RAP1GAP2: variants seen among roughly 807,000 people sequenced by gnomAD.
RAP1GAP2 encodes the protein rap1 GTPase-activating protein 2.
A neutral mutation model predicts 95.0 loss-of-function variants in RAP1GAP2; 27 were observed. The ratio of observed to expected loss-of-function variants is 0.28; its 90% confidence interval spans 0.21 to 0.39. RAP1GAP2 has a LOEUF of 0.39. Ranked by LOEUF, RAP1GAP2 falls within the 10% of genes least tolerant of loss-of-function variation. The pLI is 1.00. For missense variants in RAP1GAP2, 771 were observed against 970.0 expected (o/e 0.79, Z 2.72); for synonymous variants, 373 against 380.9 (o/e 0.98, Z 0.24).
chr17:2,795,278 C>T (rs1344281254), upstream of RAP1GAP2, among the ~76,000 whole-genome samples: 1 of 152,084 alleles, frequency 6.6e-6, no homozygotes, highest in East Asian at 1.9e-4. Flanking sequence ...CCACTCCCCC[C>T]AGTGTCTGTT....
At chr17:2,802,196 G>A (rs985184346) in intron 2 of RAP1GAP2, among the ~76,000 whole-genome samples, 3 of 152,178 alleles carry the variant, frequency 2.0e-5, no homozygotes, top group Non-Finnish European at 2.9e-5. Context: ...GTCTCCCTCT[G>A]TCATGCCATT....
chr17:3,026,995 A>T lies in RAP1GAP2; in HGVS notation c.2032A>T (p.Ser678Cys). 6.4e-7 allele frequency: 1 copy of T among 1,559,084 alleles called. No homozygotes were observed. Among genetic ancestry groups the T allele is most frequent in the Non-Finnish European group, 8.7e-7 (1 of 1,151,464 alleles). Residue 678 changes from serine to cysteine, a missense_variant, in exon 22 of 25, where the codon AGC (serine) becomes TGC (cysteine). By Grantham distance (112) the Ser-to-Cys change is moderately radical (BLOSUM62 -1). Coordinates refer to ENST00000254695, the MANE Select transcript of RAP1GAP2 (RefSeq NM_015085.5). ...CTTCAAGCAGGAGGTGTTTGTCTAC[A>T]GCCCGTCCCCGAGCAGCGAGAGCCC... ...SPFKQEVFVY[S>C]PSPSSESPSL...
Position 3,001,618 on chromosome 17 carries a change from C to T in RAP1GAP2, c.1200+3242C>T, listed in dbSNP as rs537212397. Among the ~76,000 whole-genome samples the T allele has an allele frequency of 2.4e-4, 36 of 147,562 alleles. 2 individuals are homozygous for T. Among genetic ancestry groups the T allele is most frequent in the African/African-American group, 8.5e-4 (32 of 37,602 alleles). Reference sequence around the variant, plus strand: ...ATCAGCCTCAGGGCCTTCCTGATGCCGGAGAAGGGATAGAAGAAGCAGGGA... The same window carrying T: ...ATCAGCCTCAGGGCCTTCCTGATGCTGGAGAAGGGATAGAAGAAGCAGGGA... On this transcript the variant is annotated intron_variant, in intron 14 of 24. Coordinates refer to ENST00000254695, the MANE Select transcript of RAP1GAP2 (RefSeq NM_015085.5).
At position 2,844,876 on chromosome 17, in the gene RAP1GAP2, TA is replaced by T. The variant is rs540654305; in HGVS notation, c.80+44329del. On this transcript the variant is annotated intron_variant, in intron 2 of 24. Transcript: ENST00000254695. ...GAGATGAATTCAGACAACAGGGAAA[TA>T]AATTAGAATTTATTAGGAGTCGGGT... 1.5e-3 allele frequency among the ~76,000 whole-genome samples: 223 copies of T among 152,252 alleles called. 1 individual carries two copies. The highest frequency in any genetic ancestry group is 2.5e-3 in the Non-Finnish European group (167 of 68,014).
Position 2,962,731 on chromosome 17 carries a change from AG to A in RAP1GAP2, c.246+22del. The A allele has an allele frequency of 6.4e-7, 1 of 1,572,700 alleles. No homozygotes were observed. Among genetic ancestry groups the A allele is most frequent in the South Asian group, 1.2e-5 (1 of 86,836 alleles). On this transcript the variant is annotated intron_variant, in intron 5 of 24. Coordinates refer to ENST00000254695, the MANE Select transcript of RAP1GAP2 (RefSeq NM_015085.5). ...AAGAACAAGGTGGGCTGGGTGGGTG[AG>A]GGGGTGGCCAGACGGCCCTGGTGAG...
intron 2 of RAP1GAP2, among the ~76,000 whole-genome samples, chr17:2,830,538 AC>A (rs1300017865): frequency 6.6e-6 from 1 of 151,674 alleles, no homozygotes; most frequent in Admixed American, 6.6e-5. Flanking sequence ...ACATGGTGAA[AC>A]CCCGTCTCTA....
chr17:2,910,688 G>T (rs943045130), intron 3 of RAP1GAP2, among the ~76,000 whole-genome samples: 1 of 152,122 alleles, frequency 6.6e-6, no homozygotes, highest in Non-Finnish European at 1.5e-5. Context: ...ACGCAACGCC[G>T]TTCCTCCTCG....
chr17:2,836,102 A>C (rs2071115704), intron 2 of RAP1GAP2, among the ~76,000 whole-genome samples: 1 of 152,056 alleles, frequency 6.6e-6, no homozygotes, highest in Admixed American at 6.6e-5. Flanking sequence ...AGTTGTCCCC[A>C]TGTCGCCTTC....
chr17:2,945,701 G>A (rs375197364), intron 3 of RAP1GAP2, among the ~76,000 whole-genome samples: 2 of 150,848 alleles, frequency 1.3e-5, no homozygotes, highest in Admixed American at 1.3e-4. Context: ...AGCTTTTGTC[G>A]TGCTCTTTCT....
At chr17:2,813,845 C>T (rs1379176797) in intron 2 of RAP1GAP2, among the ~76,000 whole-genome samples, 3 of 151,974 alleles carry the variant, frequency 2.0e-5, no homozygotes, top group Non-Finnish European at 2.9e-5. Context: ...TGCCTGTAAT[C>T]GTAGCTACTC....
At position 2,867,121 on chromosome 17, in the gene RAP1GAP2, G is replaced by A. The variant is rs893702842; in HGVS notation, c.81-38163G>A. ...TCACCATGTTGGCCAGGCTGGTCTCGAACTCCTGGTGTCGTGATTCCCCTC... is the reference window on the plus strand; with the variant it reads ...TCACCATGTTGGCCAGGCTGGTCTCAAACTCCTGGTGTCGTGATTCCCCTC... On this transcript the variant is annotated intron_variant, in intron 2 of 24. Coordinates refer to ENST00000254695, the MANE Select transcript of RAP1GAP2 (RefSeq NM_015085.5). This position sits in a 1 kb window ranked among gnomAD's most constrained non-coding sequence, Gnocchi z 4.5. Among the ~76,000 whole-genome samples, 9 of 151,430 alleles carry A rather than the reference G, an allele frequency of 5.9e-5. No individual in the cohort carries two copies. Among genetic ancestry groups the A allele is most frequent in the Non-Finnish European group, 8.8e-5 (6 of 67,894 alleles).
At chr17:2,848,149 C>T (rs116738750) in intron 2 of RAP1GAP2, among the ~76,000 whole-genome samples, 396 of 152,272 alleles carry the variant, frequency 2.6e-3, no homozygotes, top group African/African-American at 9.0e-3. Flanking sequence ...GGTACCAGAG[C>T]GCAGGGTGCC....
intron 1 of RAP1GAP2, among the ~76,000 whole-genome samples, chr17:2,791,222 T>A (rs1397395735): frequency 6.6e-6 from 1 of 151,406 alleles, no homozygotes; most frequent in African/African-American, 2.4e-5. Flanking sequence ...GAAAAAAAAA[T>A]GCCCATCGAA....
Position 2,919,947 on chromosome 17 carries a change from C to T in RAP1GAP2, c.165+14579C>T, listed in dbSNP as rs182285676. ...AACTCTTGACCTCAGGTGATCCGCC[C>T]GCCTCGGCCTCCCAAAGTGCTGGGA... On this transcript the variant is annotated intron_variant, in intron 3 of 24. Transcript: ENST00000254695. 4.4e-3 allele frequency among the ~76,000 whole-genome samples: 670 copies of T among 151,924 alleles called. 12 individuals are homozygous for T. Among genetic ancestry groups the T allele is most frequent in the Admixed American group, 0.03 (453 of 15,256 alleles).
rs58436827 is a variant in RAP1GAP2 at position 2,769,232 on chromosome 17, T to TA, written c.51-1057dup. 6.9e-3 allele frequency among the ~76,000 whole-genome samples: 298 copies of TA among 42,894 alleles called. 34 individuals are homozygous for TA. The highest frequency in any genetic ancestry group is 9.8e-3 in the African/African-American group (102 of 10,438). The allele number at this position is 42,894 out of a possible 152,430, so 28.1% of individuals were successfully genotyped here. ...GGATGAGAAAGTGAAACCATTTCTC[T>TA]AAAAAAAAAAAAAAAAAAAAAAAAA... On this transcript the variant is annotated intron_variant, in intron 1 of 25. Transcript: ENST00000637138.
intron 2 of RAP1GAP2, among the ~76,000 whole-genome samples, chr17:2,844,290 G>C (rs1300986819): frequency 6.6e-6 from 1 of 152,200 alleles, no homozygotes; most frequent in African/African-American, 2.4e-5. Context: ...AAAGTGCTGG[G>C]ATTACAGGCA....
At chr17:2,942,992 C>T (rs1421904965) in intron 3 of RAP1GAP2, among the ~76,000 whole-genome samples, 2 of 152,040 alleles carry the variant, frequency 1.3e-5, no homozygotes, top group Non-Finnish European at 2.9e-5. Context: ...TGGTCTTGAA[C>T]TCCTGACCTC....
At chr17:2,784,238 G>A (rs2068721969) in intron 1 of RAP1GAP2, among the ~76,000 whole-genome samples, 1 of 152,004 alleles carries the variant, frequency 6.6e-6, no homozygotes. Context: ...CTCCCAAAGT[G>A]CTGGGATTAC....
chr17:2,960,134 A>AAAAC (rs1555578031), intron 4 of RAP1GAP2, among the ~76,000 whole-genome samples: 17 of 151,460 alleles, frequency 1.1e-4, no homozygotes, highest in African/African-American at 3.6e-4. Flanking sequence ...AAAAAAAAAA[A>AAAAC]AAAAAAACAA....
Sources: allele counts gnomAD v4.1 joint callset (sites outside exome capture counted in the v4.1 genomes callset), GRCh38; gene constraint gnomAD v4.1.1; non-coding constraint Gnocchi (gnomAD v3.1); transcripts MANE v1.5; gene names NCBI Gene and HGNC (gene_info 2026-07-23, HGNC 2026-07-21).